The following NBPF9 variants were observed in gnomAD, a reference collection of about 807,000 sequenced individuals.
NBPF9 encodes the protein NBPF member 9.
Under a neutral mutation model 97.8 loss-of-function variants are expected in NBPF9, and 91 were observed. The observed-to-expected ratio is 0.93, with a 90% CI of 0.79 to 1.11. The LOEUF (loss-of-function observed/expected upper bound fraction) is 1.11, where lower values mean the gene tolerates loss of function less well. Ranked by LOEUF, NBPF9 falls within the 50% of genes least tolerant of loss-of-function variation. The pLI is 0.00. For synonymous variants in NBPF9, 334 were observed against 359.5 expected (o/e 0.93, Z 0.80); for missense variants, 992 against 939.5 (o/e 1.06, Z -0.73).
At chr1:149,084,610 A>G (rs587763556) in intron 5 of NBPF9, among the ~76,000 whole-genome samples, 2 of 150,512 alleles carry the variant, frequency 1.3e-5, no homozygotes, top group Admixed American at 1.3e-4. Context: ...CCAGGTGGAC[A>G]CCTCCATCTA....
At chr1:149,085,719 G>A (rs1312794139) in intron 5 of NBPF9, among the ~76,000 whole-genome samples, 1 of 151,462 alleles carries the variant, frequency 6.6e-6, no homozygotes, top group Non-Finnish European at 1.5e-5. Flanking sequence ...TTTTCTAGCT[G>A]CTAATTGCTA....
At chr1:149,084,725 C>T (rs1382196116) in intron 5 of NBPF9, among the ~76,000 whole-genome samples, 41 of 151,494 alleles carry the variant, frequency 2.7e-4, no homozygotes, top group African/African-American at 8.7e-4. Context: ...CTCAACATCA[C>T]GCCAGCTGAG....
chr1:149,087,828 C>CTTTTTT (rs60084667), intron 5 of NBPF9, among the ~76,000 whole-genome samples: 13 of 88,552 alleles, frequency 1.5e-4, no homozygotes, highest in Middle Eastern at 8.5e-3. Flanking sequence ...GTTGACTTTC[C>CTTTTTT]TTTTTTTTTT....
At position 149,094,904 on chromosome 1, in the gene NBPF9, T is replaced by A. The variant is rs1295677392; in HGVS notation, c.-337+3534A>T. Among the ~76,000 whole-genome samples, 79 of 146,994 alleles carry A rather than the reference T, an allele frequency of 5.4e-4. 1 individual carries two copies. The highest frequency in any genetic ancestry group is 1.0e-3 in the Non-Finnish European group (69 of 67,948). On this transcript the variant is annotated intron_variant, in intron 4 of 29. Transcript: ENST00000584027. ...CACTTAAATGATATTGACAGATTAC[T>A]AGAAGCTGAGGGTAGCCTGGCTAGA...
intron 7 of NBPF9, among the ~76,000 whole-genome samples, 166 bp from the exon 8 acceptor site, chr1:149,080,321 G>A (rs1553656297): frequency 6.6e-6 from 1 of 150,984 alleles, no homozygotes; most frequent in African/African-American, 2.5e-5. Context: ...TGACTTTCTG[G>A]CATCTGATCC....
At chr1:149,055,691 G>A (rs782218919) in exon 30 of NBPF9, 4 of 1,611,812 alleles carry the variant, frequency 2.5e-6, no homozygotes, top group African/African-American at 1.3e-5. Flanking sequence ...TGGAACACCA[G>A]GTGGAGACTT....
intron 12 of NBPF9, among the ~76,000 whole-genome samples, chr1:149,074,362 T>G (rs782335502): frequency 1.3e-5 from 2 of 151,568 alleles, no homozygotes; most frequent in Non-Finnish European, 3.0e-5. Flanking sequence ...CAGTTATGAT[T>G]TTAAGAATCA....
At chr1:149,079,307 G>A in intron 8 of NBPF9, 86 bp from the exon 9 acceptor site, 1 of 1,334,786 alleles carries the variant, frequency 7.5e-7, no homozygotes, top group South Asian at 1.2e-5. Context: ...CTGAGATAAT[G>A]TCCTCAAGGA....
At chr1:149,072,766 C>G in exon 14 of NBPF9, 2 of 1,595,484 alleles carry the variant, frequency 1.3e-6, no homozygotes, top group South Asian at 1.1e-5. Context: ...CACCCCTCAG[C>G]CAGCTGTTCT....
intron 13 of NBPF9, among the ~76,000 whole-genome samples, chr1:149,073,213 C>A (rs1356810096): frequency 6.8e-6 from 1 of 148,086 alleles, no homozygotes; most frequent in Admixed American, 6.8e-5. Context: ...TTCAAAAAGA[C>A]ATCCTTTCAG....
intron 14 of NBPF9, among the ~76,000 whole-genome samples, chr1:149,072,102 T>C (rs1313638207): frequency 4.1e-4 from 62 of 149,756 alleles, no homozygotes; most frequent in Middle Eastern, 3.4e-3. Context: ...ATTTCAAGCC[T>C]CCAAGTGGCT....
At chr1:149,074,748 A>C (rs1476321059) in intron 12 of NBPF9, among the ~76,000 whole-genome samples, 5 of 151,268 alleles carry the variant, frequency 3.3e-5, no homozygotes, top group Non-Finnish European at 7.4e-5. Flanking sequence ...GTGCCCCAGG[A>C]AGCAGGACTT....
At chr1:149,077,591 G>T (rs2080003385) in intron 10 of NBPF9, among the ~76,000 whole-genome samples, 172 bp from the exon 11 acceptor site, 1 of 152,208 alleles carries the variant, frequency 6.6e-6, no homozygotes, top group African/African-American at 2.4e-5. Context: ...AACAGACCAT[G>T]GCTGCCATGG....
At position 149,062,792 on chromosome 1, in the gene NBPF9, T is replaced by C. The variant is rs587755354; in HGVS notation, c.2078+70A>G. The C allele has an allele frequency of 3.2e-4, 247 of 765,492 alleles. 2 individuals are homozygous for C. In the African/African-American group the frequency reaches 3.5e-3, roughly 11 times the overall value. The allele number at this position is 765,492 out of a possible 1,614,324, so 47.4% of individuals were successfully genotyped here. ...TGAAAACATGAAATTGAACACACTC[T>C]TGTTTTCCCTGGACCTGGCATCTCC... On this transcript the variant is annotated intron_variant, in intron 21 of 29. Transcript: ENST00000584027.
In NBPF9 at chr1:149,069,724, C is replaced by T. The variant is rs1362773831; in HGVS notation, c.1586-79G>A. On this transcript the variant is annotated intron_variant, in intron 16 of 29. Transcript: ENST00000584027. ...TGAACAAATCACTGTCCAGTCATAG[C>T]CAAGGACATAACTATTCTCAGTGCA... 36 of 912,948 alleles carry T rather than the reference C, an allele frequency of 3.9e-5. 2 individuals carry two copies. In the East Asian group the frequency reaches 8.2e-4, roughly 21 times the overall value. The allele number at this position is 912,948 out of a possible 1,614,324, so 56.6% of individuals were successfully genotyped here.
intron 21 of NBPF9, 97 bp downstream of exon 21, chr1:149,062,765 G>T (rs587769029): frequency 1.2e-5 from 9 of 774,202 alleles, no homozygotes; most frequent in Admixed American, 1.0e-4. Flanking sequence ...TTCAACCTCC[G>T]TTGAAAACAT....
At chr1:149,078,565 C>G (rs2152904881) in intron 9 of NBPF9, among the ~76,000 whole-genome samples, 1 of 125,174 alleles carries the variant, frequency 8.0e-6, no homozygotes, top group East Asian at 2.4e-4. Flanking sequence ...TGCTTCAGAC[C>G]CTTGCAAGAG....
At chr1:149,060,743 C>G in intron 23 of NBPF9, 48 bp from the exon 24 acceptor site, 1 of 358,548 alleles carries the variant, frequency 2.8e-6, no homozygotes, top group East Asian at 4.1e-5. Flanking sequence ...AAATCAGACA[C>G]AACAGAGCCC....
In NBPF9 at chr1:149,082,415, C is replaced by T. The variant is rs587771391; in HGVS notation, c.-179G>A. 12 of 990,612 alleles carry T rather than the reference C, an allele frequency of 1.2e-5. No individual in the cohort carries two copies. In the African/African-American group the frequency reaches 1.4e-4, roughly 12 times the overall value. 61.4% of individuals were successfully genotyped at this position (990,612 alleles called of 1,614,324 possible). A position where few individuals can be genotyped will look rare whatever the true frequency, so the allele number is the denominator to read the frequency against. On this transcript the variant is annotated 5_prime_UTR_variant, in exon 6 of 30. Coordinates refer to ENST00000584027, the Ensembl canonical transcript of NBPF9. ...TAAGAGTGAGGTAGATTGTGGCCAG[C>T]GTGCCAGGTAACCGTCTGCAGTTGC...
Sources: gnomAD v4.1 joint callset for allele counts (sites outside exome capture counted in the v4.1 genomes callset) on GRCh38, gnomAD v4.1.1 for gene constraint, MANE v1.5 for transcripts, NCBI Gene and HGNC (gene_info 2026-07-23, HGNC 2026-07-21) for gene names.